CEP128: variants seen among roughly 807,000 people sequenced by gnomAD.
The protein encoded by CEP128 is centrosomal protein 128kDa.
In CEP128, 132 loss-of-function variants were observed where a neutral mutation model predicts 156.7. The observed-to-expected ratio is 0.84, with a 90% confidence interval of 0.73 to 0.97. The LOEUF (loss-of-function observed/expected upper bound fraction) is 0.97, where lower values mean the gene tolerates loss of function less well. CEP128 is among the 50% of genes least tolerant of loss of function. The pLI, the probability that CEP128 is intolerant of heterozygous loss-of-function variation, is 0.00. For missense variants in CEP128, 1,252 were observed against 1,281.9 expected (o/e 0.98, Z 0.36); for synonymous variants, 469 against 448.9 (o/e 1.04, Z -0.57).
At chr14:80,833,263 AGAAT>A (rs1885903529) in intron 12 of CEP128, among the ~76,000 whole-genome samples, 1 of 151,784 alleles carries the variant, frequency 6.6e-6, no homozygotes, top group Non-Finnish European at 1.5e-5. Context: ...ATGTAACATT[AGAAT>A]GAATATATAT....
intron 8 of CEP128, among the ~76,000 whole-genome samples, chr14:80,880,627 T>C (rs1269298431): frequency 1.3e-5 from 2 of 151,154 alleles, no homozygotes; most frequent in Non-Finnish European, 2.9e-5. Context: ...GAGGCCAAGG[T>C]GGGCGGATCA....
At chr14:80,956,787 C>CT (rs1481379342) in intron 2 of CEP128, among the ~76,000 whole-genome samples, 1 of 152,130 alleles carries the variant, frequency 6.6e-6, no homozygotes, top group Admixed American at 6.5e-5. Flanking sequence ...GACTATTTAA[C>CT]AGTAGATGAA....
chr14:80,720,122 A>T (rs1041769886), intron 19 of CEP128, among the ~76,000 whole-genome samples: 1 of 151,622 alleles, frequency 6.6e-6, no homozygotes, highest in African/African-American at 2.4e-5. Flanking sequence ...GGTAAACGAG[A>T]TGGGGGCAAA....
At chr14:80,913,550 C>T (rs180754414) in intron 4 of CEP128, among the ~76,000 whole-genome samples, 19 of 152,222 alleles carry the variant, frequency 1.2e-4, no homozygotes, top group Admixed American at 1.2e-3. Context: ...GGCCATTATC[C>T]TAAGTGAAGT....
chr14:80,507,784 T>C (rs1293864027), intron 23 of CEP128, among the ~76,000 whole-genome samples: 1 of 152,164 alleles, frequency 6.6e-6, no homozygotes, highest in East Asian at 1.9e-4. Context: ...AGAGGAAGGA[T>C]GAATTAAACA....
intron 19 of CEP128, among the ~76,000 whole-genome samples, chr14:80,715,678 G>A (rs899258178): frequency 6.6e-6 from 1 of 152,074 alleles, no homozygotes; most frequent in Non-Finnish European, 1.5e-5. Context: ...TAAAAAGGAG[G>A]GAAAAGGAGT....
intron 13 of CEP128, among the ~76,000 whole-genome samples, chr14:80,804,394 T>C (rs1566638282): frequency 6.6e-6 from 1 of 152,146 alleles, no homozygotes; most frequent in Non-Finnish European, 1.5e-5. Context: ...TAAAGTTCCA[T>C]TCTCTCCAAG....
At chr14:80,727,772 A>C (rs1049291193) in intron 19 of CEP128, among the ~76,000 whole-genome samples, 3 of 152,188 alleles carry the variant, frequency 2.0e-5, no homozygotes, top group African/African-American at 7.2e-5. Flanking sequence ...AAAGTTCAAC[A>C]TCACCAATCA....
chr14:80,686,738 C>A (rs1566857077), intron 19 of CEP128, among the ~76,000 whole-genome samples: 2 of 152,018 alleles, frequency 1.3e-5, no homozygotes, highest in African/African-American at 2.4e-5. Context: ...GAAAATCTAC[C>A]AAGCAAATGG....
chr14:80,663,546 AC>A (rs1231492953), intron 19 of CEP128, among the ~76,000 whole-genome samples: 1 of 152,194 alleles, frequency 6.6e-6, no homozygotes, highest in African/African-American at 2.4e-5. Context: ...AATAATAATA[AC>A]CACAATGATA....
intron 19 of CEP128, among the ~76,000 whole-genome samples, chr14:80,735,471 T>C (rs1898484492): frequency 6.6e-6 from 1 of 152,212 alleles, no homozygotes; most frequent in Admixed American, 6.5e-5. Context: ...ATTCCTAATT[T>C]ACTGATAAGT....
intron 19 of CEP128, among the ~76,000 whole-genome samples, chr14:80,596,053 G>T: frequency 9.2e-6 from 1 of 109,118 alleles, no homozygotes; most frequent in South Asian, 3.0e-4. Context: ...TATCAGCAGG[G>T]AAAAAAAAAA....
At chr14:80,660,651 A>G (rs553979376) in intron 19 of CEP128, among the ~76,000 whole-genome samples, 10 of 152,184 alleles carry the variant, frequency 6.6e-5, no homozygotes, top group South Asian at 2.1e-4. Context: ...TTCAGGTACT[A>G]TGCTAAGCAC....
intron 13 of CEP128, among the ~76,000 whole-genome samples, chr14:80,801,472 C>A (rs1159150281): frequency 3.8e-3 from 1 of 262 alleles, no homozygotes; most frequent in Non-Finnish European, 0.012. Flanking sequence ...TTATCAAAGG[C>A]CTTTTGCTGC....
In CEP128 at chr14:80,793,050, T is replaced by A; in HGVS notation, c.1270A>T (p.Lys424Ter). The change falls in exon 14 of 25, where the codon AAG becomes TAG. Residue 424 changes from lysine to a stop codon, truncating the protein, a stop_gained. Transcript: ENST00000555265. LOFTEE classifies it high-confidence loss of function. Reference protein sequence around the residue: ...KQQLQMLDRLKEIQNHFDTCE... With the variant: ...KQQLQMLDRL ...GTGTCAAAGTGATTCTGGATCTCCT[T>A]AAGTCGATCCAACATCTGCAGTTGC... The A allele has an allele frequency of 6.2e-7, 1 of 1,614,168 alleles. No individual in the cohort carries two copies. Among genetic ancestry groups the A allele is most frequent in the Non-Finnish European group, 8.5e-7 (1 of 1,180,000 alleles).
chr14:80,839,834 T>C (rs1886266322), intron 10 of CEP128, among the ~76,000 whole-genome samples: 1 of 152,172 alleles, frequency 6.6e-6, no homozygotes, highest in African/African-American at 2.4e-5. Flanking sequence ...CATAAAATAC[T>C]GTCCTGTTCT....
At chr14:80,602,057 T>C (rs1055375929) in intron 19 of CEP128, among the ~76,000 whole-genome samples, 1 of 152,146 alleles carries the variant, frequency 6.6e-6, no homozygotes, top group Non-Finnish European at 1.5e-5. Flanking sequence ...GTTATACTAA[T>C]ATCAAACAAT....
At chr14:80,556,537 A>G (rs1285092045) in intron 21 of CEP128, among the ~76,000 whole-genome samples, 3 of 152,276 alleles carry the variant, frequency 2.0e-5, no homozygotes, top group South Asian at 2.1e-4. Flanking sequence ...GAAGACGGGG[A>G]AAAATGGGCA....
chr14:80,760,006 T>A (rs1266788049), intron 17 of CEP128, among the ~76,000 whole-genome samples: 1 of 151,918 alleles, frequency 6.6e-6, no homozygotes, highest in Non-Finnish European at 1.5e-5. Context: ...AAACAAACCA[T>A]GCTGTTACAA....
Sources: allele counts gnomAD v4.1 joint callset (sites outside exome capture counted in the v4.1 genomes callset), GRCh38; gene constraint gnomAD v4.1.1; transcripts MANE v1.5; gene names NCBI Gene and HGNC (gene_info 2026-07-23, HGNC 2026-07-21).